Variants in PRUNE2 observed in about 807,000 individuals in gnomAD.
PRUNE2 encodes the protein protein prune homolog 2.
A neutral mutation model predicts 252.0 loss-of-function variants in PRUNE2; 164 were observed. That is an observed-to-expected ratio of 0.65 (90% CI 0.57 to 0.74). The LOEUF (loss-of-function observed/expected upper bound fraction) is 0.74. PRUNE2 is among the 30% of genes least tolerant of loss of function. The probability of loss-of-function intolerance (pLI) is 0.00; values close to 1 mark genes in which losing one functional copy is unlikely to be tolerated. For missense variants in PRUNE2, 3,495 were observed against 3,711.0 expected, an observed-to-expected ratio of 0.94 and a Z score of 1.51; for synonymous variants, 1,292 against 1,350.2, an observed-to-expected ratio of 0.96 and a Z score of 0.94.
intron 9 of PRUNE2, among the ~76,000 whole-genome samples, chr9:76,699,518 A>G (rs992636896): frequency 5.9e-5 from 9 of 152,324 alleles, no homozygotes; most frequent in African/African-American, 2.2e-4. Flanking sequence ...CTGAAGAAGA[A>G]GGAATTCTCC....
intron 6 of PRUNE2, among the ~76,000 whole-genome samples, chr9:76,791,197 CTACTGTACCATA>C (rs1380765367): frequency 5.9e-5 from 9 of 152,070 alleles, no homozygotes; most frequent in Non-Finnish European, 4.4e-5. Context: ...TGTATTAATA[CTACTGTACCATA>C]TACTGCACCA....
At chr9:76,845,747 C>G (rs2059637662) in intron 4 of PRUNE2, among the ~76,000 whole-genome samples, 1 of 152,196 alleles carries the variant, frequency 6.6e-6, no homozygotes, top group East Asian at 1.9e-4. Context: ...AGAAAATTCT[C>G]TGTCTACCGT....
At chr9:76,791,908 A>T (rs1290035450) in intron 6 of PRUNE2, among the ~76,000 whole-genome samples, 1 of 152,190 alleles carries the variant, frequency 6.6e-6, no homozygotes. Context: ...AGATGCTGGT[A>T]GGACCTGAGA....
At chr9:76,672,050 C>A (rs971686461) in intron 9 of PRUNE2, among the ~76,000 whole-genome samples, 1 of 149,968 alleles carries the variant, frequency 6.7e-6, no homozygotes, top group African/African-American at 2.4e-5. Flanking sequence ...TCACACATAA[C>A]AATATTAACT....
chr9:76,688,042 C>T (rs998633929), intron 9 of PRUNE2, among the ~76,000 whole-genome samples: 2 of 152,234 alleles, frequency 1.3e-5, no homozygotes, highest in Non-Finnish European at 2.9e-5. Context: ...AATCAAGACT[C>T]ATTCTGTTCT....
intron 6 of PRUNE2, among the ~76,000 whole-genome samples, chr9:76,781,972 T>C (rs1479041161): frequency 6.6e-6 from 1 of 152,076 alleles, no homozygotes; most frequent in Non-Finnish European, 1.5e-5. Flanking sequence ...CCCAGCACTT[T>C]GGGAGGCCGA....
intron 6 of PRUNE2, among the ~76,000 whole-genome samples, chr9:76,791,202 G>A (rs2055517927): frequency 6.6e-6 from 1 of 152,004 alleles, no homozygotes; most frequent in Non-Finnish European, 1.5e-5. Flanking sequence ...TAATACTACT[G>A]TACCATATAC....
intron 1 of PRUNE2, among the ~76,000 whole-genome samples, chr9:76,884,163 A>C (rs987280361): frequency 2.0e-5 from 3 of 152,114 alleles, no homozygotes; most frequent in African/African-American, 4.8e-5. Context: ...GGCTTGCACA[A>C]AGCACACTTG....
chr9:76,627,090 TTCA>T (rs1835126592), intron 16 of PRUNE2, among the ~76,000 whole-genome samples: 1 of 132,436 alleles, frequency 7.6e-6, no homozygotes, highest in Non-Finnish European at 1.8e-5. Context: ...TCCATACTTC[TTCA>T]TCTTTTTTTT....
intron 9 of PRUNE2, among the ~76,000 whole-genome samples, chr9:76,686,582 G>A (rs618944): frequency 0.77 from 117,679 of 152,014 alleles, 49,013 homozygotes; most frequent in Non-Finnish European, 0.92. Context: ...CAGTCTCCAA[G>A]TAGTTGGGAC....
intron 6 of PRUNE2, chr9:76,740,440 C>T (rs1227585350): frequency 7.8e-6 from 1 of 127,650 alleles, no homozygotes; most frequent in Non-Finnish European, 1.6e-5. Context: ...CAGAGCAAAA[C>T]TCCGTTTCAA....
chr9:76,853,002 T>C (rs1020838642), intron 2 of PRUNE2, among the ~76,000 whole-genome samples: 16 of 152,322 alleles, frequency 1.1e-4, no homozygotes, highest in African/African-American at 3.6e-4. Flanking sequence ...AACTCTATGT[T>C]CTCTAGATAA....
chr9:76,685,382 C>T (rs2043973465), intron 9 of PRUNE2, among the ~76,000 whole-genome samples: 1 of 152,128 alleles, frequency 6.6e-6, no homozygotes, highest in Non-Finnish European at 1.5e-5. Context: ...TCAGGAATTC[C>T]TGGCACATAT....
intron 9 of PRUNE2, among the ~76,000 whole-genome samples, chr9:76,687,134 C>T (rs536624660): frequency 2.0e-5 from 3 of 152,206 alleles, no homozygotes; most frequent in African/African-American, 7.2e-5. Context: ...CTCCATCCCA[C>T]ATTTGCTTTC....
chr9:76,704,836 G>C lies in PRUNE2; in HGVS notation c.7438C>G (p.Pro2480Ala), dbSNP rs369583527. ...TCTACTTCCCAGTCAACGTTTGATG[G>C]AGACAAAATGTTGGAGCCTGCTCCT... ...PVGAGSNILS[P>A]SNVDWEVETD... Residue 2480 changes from proline to alanine, a missense_variant, in exon 8 of 19, where the codon CCA becomes GCA. By Grantham distance (27) the Pro-to-Ala change is conservative (BLOSUM62 -1). Coordinates refer to ENST00000376718, the MANE Select transcript of PRUNE2 (RefSeq NM_015225.3). 3.8e-5 allele frequency: 61 copies of C among 1,594,424 alleles called. No homozygotes were observed. The African/African-American group carries it at 7.5e-4, about 20-fold the overall frequency.
chr9:76,660,146 AAAACC>A (rs907797599), intron 9 of PRUNE2, among the ~76,000 whole-genome samples: 6 of 152,194 alleles, frequency 3.9e-5, no homozygotes, highest in Non-Finnish European at 8.8e-5. Flanking sequence ...AAGGCTGATA[AAAACC>A]TAGCACACAG....
At chr9:76,776,568 T>C (rs566511511) in intron 6 of PRUNE2, among the ~76,000 whole-genome samples, 153 of 94,906 alleles carry the variant, frequency 1.6e-3, no homozygotes, top group African/African-American at 9.9e-3. Context: ...CAAATTGGAG[T>C]GCAGTGCACA....
chr9:76,704,760 C>G lies in PRUNE2; in HGVS notation c.7513+1G>C. The G allele has an allele frequency of 6.5e-7, 1 of 1,532,916 alleles. No homozygotes were observed. Among genetic ancestry groups the G allele is most frequent in the East Asian group, 2.4e-5 (1 of 41,652 alleles). 95.0% of individuals were successfully genotyped at this position (1,532,916 alleles called of 1,614,324 possible). ...AAGTGGAAGAATGGAATGTTTCTTA[C>G]CATTTGGTGGTCCTATGTCTCCACC... On this transcript the variant is annotated splice_donor_variant, in intron 8 of 18. Transcript: ENST00000376718. LOFTEE classifies it high-confidence loss of function.
At chr9:76,894,691 T>G (rs2062704592) in intron 1 of PRUNE2, among the ~76,000 whole-genome samples, 1 of 145,180 alleles carries the variant, frequency 6.9e-6, no homozygotes, top group Non-Finnish European at 1.5e-5. Context: ...TTTCTCTTTT[T>G]GCACCCTTTC....
Sources: allele counts gnomAD v4.1 joint callset (sites outside exome capture counted in the v4.1 genomes callset), GRCh38; gene constraint gnomAD v4.1.1; transcripts MANE v1.5; gene names NCBI Gene and HGNC (gene_info 2026-07-23, HGNC 2026-07-21).